PRKCB: variants seen among roughly 807,000 people sequenced by gnomAD.
PRKCB encodes protein kinase C beta type.
PRKCB carries 13 observed loss-of-function variants against 81.5 expected under a neutral mutation model. That is an observed-to-expected ratio of 0.16 (90% confidence interval 0.10 to 0.25). The LOEUF is 0.25. PRKCB is among the 10% of genes least tolerant of loss of function. PRKCB has a pLI of 1.00. For synonymous variants in PRKCB, 335 were observed against 321.4 expected, an observed-to-expected ratio of 1.04 and a Z score of -0.45; for missense variants, 509 against 875.7, an observed-to-expected ratio of 0.58 and a Z score of 5.29.
intron 9 of PRKCB, among the ~76,000 whole-genome samples, chr16:24,153,266 AT>A (rs1967105818): frequency 6.6e-6 from 1 of 152,044 alleles, no homozygotes; most frequent in Non-Finnish European, 1.5e-5. Flanking sequence ...TCTGGCCCTG[AT>A]TGGTTCCCTT....
intron 2 of PRKCB, among the ~76,000 whole-genome samples, chr16:23,932,243 C>A (rs1217126779): frequency 6.6e-6 from 1 of 152,042 alleles, no homozygotes; most frequent in Non-Finnish European, 1.5e-5. Context: ...GTGAGATAAT[C>A]AAGGAGAAGG....
rs1274135388 is a variant in PRKCB at position 24,218,652 on chromosome 16, G to C, written c.*3836G>C. ...CAAAGGAGAGTGAACCCAGCAATGA[G>C]AGATCCTTAACAGCTAGTGCCCATT... On this transcript the variant is annotated 3_prime_UTR_variant, in exon 17 of 17. Transcript: ENST00000643927. The C allele has an allele frequency of 1.0e-6, 1 of 985,188 alleles. No homozygotes were observed. Among genetic ancestry groups the C allele is most frequent in the Non-Finnish European group, 1.2e-6 (1 of 829,930 alleles). 61.0% of individuals were successfully genotyped at this position (985,188 alleles called of 1,614,324 possible).
intron 2 of PRKCB, among the ~76,000 whole-genome samples, chr16:23,863,208 ATATATACATACATATATATG>A (rs761225529): frequency 0.39 from 52,989 of 137,590 alleles, 12,290 homozygotes; most frequent in East Asian, 0.57. Context: ...ATATATGTGT[ATATATACATACATATATATG>A]TGTATATATA....
chr16:24,115,660 C>T (rs1194577279), intron 8 of PRKCB, among the ~76,000 whole-genome samples: 1 of 151,854 alleles, frequency 6.6e-6, no homozygotes, highest in Non-Finnish European at 1.5e-5. Context: ...ACTATTTATC[C>T]CAAAGATTTT....
intron 2 of PRKCB, among the ~76,000 whole-genome samples, chr16:23,932,257 C>T (rs1963989120): frequency 6.6e-6 from 1 of 152,068 alleles, no homozygotes; most frequent in Non-Finnish European, 1.5e-5. Flanking sequence ...GAGAAGGAAA[C>T]ATTAACTGAA....
At chr16:23,869,200 C>A in intron 2 of PRKCB, 1 of 443,684 alleles carries the variant, frequency 2.3e-6, no homozygotes, top group Non-Finnish European at 4.5e-6. Flanking sequence ...TAAACAGAGG[C>A]TTTGAGAAGC....
At chr16:23,953,083 A>G (rs561965255) in intron 2 of PRKCB, among the ~76,000 whole-genome samples, 23 of 152,240 alleles carry the variant, frequency 1.5e-4, no homozygotes, top group South Asian at 4.1e-4. Context: ...TGCCACCCCA[A>G]TGAGGTGCCA....
rs1162194025 is a variant in PRKCB, at chr16:24,191,175, T to C, written c.1808T>C (p.Ile603Thr). ...AAAGAGCATGCATTTTTCCGGTATA[T>C]TGATTGGGAGAAACTTGAACGCAAA... is the stretch of plus-strand genomic sequence containing the variant. ...DIKEHAFFRYIDWEKLERKEI... is the reference protein window; with the variant it reads ...DIKEHAFFRYTDWEKLERKEI... Residue 603 changes from isoleucine (I) to threonine (T), a missense_variant, in exon 16 of 17, where the codon ATT becomes ACT. Around this residue, in one of 6 missense-constraint regions of PRKCB, gnomAD observed 104 missense variants for 160.5 expected, o/e 0.65. Coordinates refer to ENST00000643927, the MANE Select transcript of PRKCB (RefSeq NM_002738.7). 2 of 1,614,008 alleles carry C rather than the reference T, an allele frequency of 1.2e-6. No homozygotes were observed. Among genetic ancestry groups the C allele is most frequent in the Admixed American group, 1.7e-5 (1 of 59,998 alleles).
intron 3 of PRKCB, among the ~76,000 whole-genome samples, chr16:24,020,243 G>C (rs1222619679): frequency 6.6e-6 from 1 of 152,136 alleles, no homozygotes; most frequent in Non-Finnish European, 1.5e-5. Flanking sequence ...TTTGCATATT[G>C]ATCCCATGAG....
chr16:23,989,999 G>A (rs188068230), intron 3 of PRKCB, among the ~76,000 whole-genome samples: 80 of 152,224 alleles, frequency 5.3e-4, no homozygotes, highest in Admixed American at 8.5e-4. Flanking sequence ...AGGATATAAT[G>A]CTTGGAGTTG....
At chr16:24,009,791 G>GA (rs1965177720) in intron 3 of PRKCB, among the ~76,000 whole-genome samples, 1 of 151,960 alleles carries the variant, frequency 6.6e-6, no homozygotes, top group South Asian at 2.1e-4. Context: ...AGGTAGGGGG[G>GA]ATCACTTGAG....
In PRKCB at chr16:23,854,674, A is replaced by G. The variant is rs139791140; in HGVS notation, c.205+17268A>G. Among the ~76,000 whole-genome samples, 128 of 152,308 alleles carry G rather than the reference A, an allele frequency of 8.4e-4. 5 individuals are homozygous for G. In the East Asian group the frequency reaches 0.021, roughly 25 times the overall value. On this transcript the variant is annotated intron_variant, in intron 2 of 16. Transcript: ENST00000643927. ...TCACTTCTGCCATATTCCCTGGTCA[A>G]AGCAAATCACAAGCCCACCCCAGAA...
chr16:24,051,897 G>A (rs999458826), intron 5 of PRKCB, among the ~76,000 whole-genome samples: 2 of 151,942 alleles, frequency 1.3e-5, no homozygotes, highest in African/African-American at 4.8e-5. Context: ...GAATCACCAG[G>A]TCAGGAAAGG....
At chr16:24,159,183 T>TTG (rs2141956978) in intron 10 of PRKCB, among the ~76,000 whole-genome samples, 1 of 152,316 alleles carries the variant, frequency 6.6e-6, no homozygotes, top group Non-Finnish European at 1.5e-5. Context: ...CATGCATGGG[T>TTG]CTTCAACAAC....
rs1966411777 is a variant in PRKCB at position 24,094,228 on chromosome 16, G to T, written c.752G>T (p.Ser251Ile). ...SVEIWDWDLT[S>I]RNDFMGSLSF... ...GAGATTTGGGATTGGGATTTGACCA[G>T]CAGGAATGACTTCATGGGATCTTTG... Residue 251 changes from serine to isoleucine, a missense_variant, in exon 7 of 17, where the codon AGC (serine) becomes ATC (isoleucine). Physicochemically the swap from Ser to Ile is moderately radical, Grantham distance 142. Transcript: ENST00000643927. 1 of 1,614,204 alleles carries T rather than the reference G, an allele frequency of 6.2e-7. No individual in the cohort carries two copies. Among genetic ancestry groups the T allele is most frequent in the Admixed American group, 1.7e-5 (1 of 60,022 alleles).
At chr16:23,878,754 A>G (rs1963057561) in intron 2 of PRKCB, among the ~76,000 whole-genome samples, 1 of 152,162 alleles carries the variant, frequency 6.6e-6, no homozygotes, top group South Asian at 2.1e-4. Flanking sequence ...ATTGACTATA[A>G]CCCCTGTTAT....
intron 16 of PRKCB, among the ~76,000 whole-genome samples, chr16:24,199,399 G>C (rs1208489864): frequency 1.3e-5 from 2 of 152,050 alleles, no homozygotes; most frequent in African/African-American, 4.8e-5. Flanking sequence ...AAGTGCCTCT[G>C]TGTGTGTGTG....
rs1328850385 is a variant in PRKCB at position 24,032,165 on chromosome 16, C to A, written c.318C>A (p.Ile106=). The A allele has an allele frequency of 6.2e-7, 1 of 1,613,678 alleles. No individual in the cohort carries two copies. The highest frequency in any genetic ancestry group is 1.3e-5 in the African/African-American group (1 of 74,908). Residue 106 remains isoleucine, a synonymous_variant, in exon 4 of 17, where the codon ATC becomes ATA. Coordinates refer to ENST00000643927, the MANE Select transcript of PRKCB (RefSeq NM_002738.7). Reference sequence around the variant, plus strand: ...CCCGCAGCAAACACAAGTTTAAGATCCACACGTACTCCAGCCCCACGTTTT... The same window carrying A: ...CCCGCAGCAAACACAAGTTTAAGATACACACGTACTCCAGCCCCACGTTTT... ...DDPRSKHKFK[I]HTYSSPTFCD...
chr16:23,980,672 T>G (rs1270651016), intron 2 of PRKCB, among the ~76,000 whole-genome samples: 1 of 152,140 alleles, frequency 6.6e-6, no homozygotes, highest in African/African-American at 2.4e-5. Context: ...TATCTGCAAC[T>G]AGCGCTAGAA....
Sources: allele counts gnomAD v4.1 joint callset (sites outside exome capture counted in the v4.1 genomes callset), GRCh38; gene constraint gnomAD v4.1.1; regional missense constraint gnomAD v4.1.1; transcripts MANE v1.5; gene names NCBI Gene and HGNC (gene_info 2026-07-23, HGNC 2026-07-21).